Variants in GMDS observed in about 807,000 individuals in gnomAD.
GMDS encodes GDP-mannose 4,6 dehydratase.
In GMDS, 20 loss-of-function variants were observed where a neutral mutation model predicts 49.9. That is an observed-to-expected ratio of 0.40 (90% CI 0.28 to 0.58). The LOEUF (loss-of-function observed/expected upper bound fraction) is 0.58, where lower values mean the gene tolerates loss of function less well. GMDS is among the 20% of genes least tolerant of loss of function. GMDS has a pLI of 0.42. For missense variants in GMDS, 362 were observed against 481.4 expected, an observed-to-expected ratio of 0.75 and a Z score of 2.32; for synonymous variants, 177 against 178.6, an observed-to-expected ratio of 0.99 and a Z score of 0.07.
chr6:1,700,622 T>C (rs151119402), intron 9 of GMDS, among the ~76,000 whole-genome samples: 67 of 152,322 alleles, frequency 4.4e-4, no homozygotes, highest in Non-Finnish European at 8.7e-4. Context: ...GAAGTCGGCC[T>C]GAATATTGGG....
intron 1 of GMDS, among the ~76,000 whole-genome samples, chr6:2,201,954 C>A (rs1219603902): frequency 7.7e-6 from 1 of 129,324 alleles, no homozygotes; most frequent in African/African-American, 2.9e-5. Flanking sequence ...GAGATGAAAC[C>A]ATCTAGGCAG....
intron 4 of GMDS, among the ~76,000 whole-genome samples, chr6:1,999,926 ATATAT>A (rs1350611056): frequency 1.2e-5 from 1 of 85,476 alleles, no homozygotes; most frequent in Non-Finnish European, 2.2e-5. Flanking sequence ...TATACATATT[ATATAT>A]TATTATATAT....
intron 9 of GMDS, among the ~76,000 whole-genome samples, chr6:1,650,967 T>C (rs565176390): frequency 6.6e-6 from 1 of 152,304 alleles, no homozygotes; most frequent in African/African-American, 2.4e-5. Context: ...AATGAGTAGA[T>C]GAATGAAACA....
chr6:1,808,916 G>C (rs1024058029), intron 7 of GMDS, among the ~76,000 whole-genome samples: 1 of 151,998 alleles, frequency 6.6e-6, no homozygotes, highest in African/African-American at 2.4e-5. Flanking sequence ...GTGTGTGTGT[G>C]TGTGTGTGTG....
At chr6:2,190,120 G>A (rs1428264723) in intron 1 of GMDS, among the ~76,000 whole-genome samples, 2 of 151,990 alleles carry the variant, frequency 1.3e-5, no homozygotes, top group East Asian at 1.9e-4. Flanking sequence ...TTTTAATAAA[G>A]TACAAAATGC....
chr6:2,245,265 G>C (rs1416864306), intron 1 of GMDS, 56 bp downstream of exon 1: 4 of 1,174,244 alleles, frequency 3.4e-6, no homozygotes, highest in Non-Finnish European at 4.9e-6. Context: ...CGGCGCGTAG[G>C]GAGAGCACGC....
chr6:1,655,108 A>G lies in GMDS; in HGVS notation c.988-30568T>C, dbSNP rs533513951. Among the ~76,000 whole-genome samples, 82 of 152,178 alleles carry G rather than the reference A, an allele frequency of 5.4e-4. 1 individual carries two copies. In the East Asian group the frequency reaches 6.2e-3, roughly 11 times the overall value. ...ACTGATACTTAACTTGAAAAATAAA[A>G]TAACTCACTATACTGAATCACTAAC... On this transcript the variant is annotated intron_variant, in intron 9 of 10. Transcript: ENST00000380815.
At chr6:2,077,105 G>A (rs9391943) in intron 4 of GMDS, among the ~76,000 whole-genome samples, 30,910 of 151,804 alleles carry the variant, frequency 0.2, 3,517 homozygotes, top group Non-Finnish European at 0.24. Flanking sequence ...CATTATACTT[G>A]TATAGGAACA....
intron 6 of GMDS, among the ~76,000 whole-genome samples, chr6:1,944,669 C>CAAAA (rs56229524): frequency 9.9e-6 from 1 of 101,162 alleles, no homozygotes; most frequent in Non-Finnish European, 1.9e-5. Context: ...GACTCCGTCT[C>CAAAA]AAAAAAAAAA....
intron 9 of GMDS, among the ~76,000 whole-genome samples, chr6:1,716,082 A>C (rs1219876420): frequency 6.6e-6 from 1 of 152,246 alleles, no homozygotes; most frequent in East Asian, 1.9e-4. Flanking sequence ...ACACAGAATT[A>C]ATTTCATTCT....
At chr6:2,132,452 T>G (rs892673571) in intron 1 of GMDS, among the ~76,000 whole-genome samples, 2 of 152,218 alleles carry the variant, frequency 1.3e-5, no homozygotes, top group Admixed American at 6.5e-5. Context: ...GATAGGATTA[T>G]GTTTCAACAT....
rs531644637 is a variant in GMDS, at chr6:1,951,559, T to C, written c.643+8308A>G. 3.3e-5 allele frequency among the ~76,000 whole-genome samples: 5 copies of C among 152,268 alleles called. No homozygotes were observed. The South Asian group carries it at 1.0e-3, about 32-fold the overall frequency. ...TCCCATTGCCACATGATTTTTAATG[T>C]TTTATTTTTTATTTTGTGGTAGGGA... On this transcript the variant is annotated intron_variant, in intron 6 of 10. Transcript: ENST00000380815.
intron 1 of GMDS, among the ~76,000 whole-genome samples, chr6:2,226,630 T>C (rs1780822856): frequency 6.6e-6 from 1 of 152,216 alleles, no homozygotes; most frequent in African/African-American, 2.4e-5. Context: ...CACAGGAATT[T>C]TTTTAAGTGT....
At chr6:1,953,684 C>T (rs1207424289) in intron 6 of GMDS, among the ~76,000 whole-genome samples, 1 of 152,126 alleles carries the variant, frequency 6.6e-6, no homozygotes, top group Non-Finnish European at 1.5e-5. Context: ...ACAGTCAAAA[C>T]TAGAAATATT....
intron 4 of GMDS, among the ~76,000 whole-genome samples, chr6:1,998,591 T>C (rs1016344239): frequency 2.6e-5 from 4 of 152,148 alleles, no homozygotes; most frequent in African/African-American, 9.7e-5. Flanking sequence ...ATTCAAAATA[T>C]TCAGAAAAAA....
intron 7 of GMDS, among the ~76,000 whole-genome samples, chr6:1,875,418 A>G (rs1238656114): frequency 3.3e-5 from 5 of 152,132 alleles, no homozygotes; most frequent in East Asian, 1.9e-4. Flanking sequence ...TCAAACATGT[A>G]TAAGTGCCAC....
At chr6:2,154,158 T>C (rs1776986917) in intron 1 of GMDS, among the ~76,000 whole-genome samples, 1 of 152,162 alleles carries the variant, frequency 6.6e-6, no homozygotes. Context: ...TTATTGAAAA[T>C]TTAAATTAAA....
intron 4 of GMDS, among the ~76,000 whole-genome samples, chr6:2,088,029 G>A (rs1773110689): frequency 6.6e-6 from 1 of 151,886 alleles, no homozygotes; most frequent in Admixed American, 6.6e-5. Context: ...TATTTTATTT[G>A]TCTACAAAGT....
Position 1,778,873 on chromosome 6 carries a change from C to T in GMDS, c.772-36287G>A, listed in dbSNP as rs141618607. Among the ~76,000 whole-genome samples, 831 of 151,926 alleles carry T rather than the reference C, an allele frequency of 5.5e-3. 5 individuals carry two copies. The highest frequency in any genetic ancestry group is 0.016 in the South Asian group (75 of 4,804). ...TTTTTTTTCTCTTATAGCAGAAATA[C>T]GCCTGAAAATGTTTTTCCAACCCCA... On this transcript the variant is annotated intron_variant, in intron 7 of 10. Transcript: ENST00000380815. The surrounding 1 kb of genome is among the most constrained non-coding windows in gnomAD (Gnocchi z 4.6).
Sources: allele counts gnomAD v4.1 joint callset (sites outside exome capture counted in the v4.1 genomes callset), GRCh38; gene constraint gnomAD v4.1.1; non-coding constraint Gnocchi (gnomAD v3.1); transcripts MANE v1.5; gene names NCBI Gene and HGNC (gene_info 2026-07-23, HGNC 2026-07-21).